The following OSBPL3 variants were observed in gnomAD, a reference collection of about 807,000 sequenced individuals.
OSBPL3 encodes the protein oxysterol binding protein like 3, also known as oxysterol-binding protein-related protein 3.
Under a neutral mutation model 120.1 loss-of-function variants are expected in OSBPL3, and 65 were observed. The ratio of observed to expected loss-of-function variants is 0.54; its 90% CI spans 0.44 to 0.67. The LOEUF is 0.67. Among genes scored for constraint, OSBPL3 ranks in the 30% least tolerant of loss-of-function variants. The pLI, the probability that OSBPL3 is intolerant of heterozygous loss-of-function variation, is 0.00. For missense variants in OSBPL3, 1,004 were observed against 1,082.1 expected (o/e 0.93, Z 1.01); for synonymous variants, 416 against 402.6 (o/e 1.03, Z -0.40).
chr7:24,941,774 T>C (rs954178541), intron 1 of OSBPL3, among the ~76,000 whole-genome samples: 1 of 152,214 alleles, frequency 6.6e-6, no homozygotes, highest in East Asian at 1.9e-4. Context: ...CATCATTGCA[T>C]GGAATTCTAA....
chr7:24,825,593 T>C (rs554967692), intron 16 of OSBPL3, among the ~76,000 whole-genome samples: 2 of 152,376 alleles, frequency 1.3e-5, no homozygotes, highest in Non-Finnish European at 2.9e-5. Context: ...TTTGAACGGC[T>C]TGAATTTACC....
At chr7:24,950,006 A>G (rs911135347) in intron 1 of OSBPL3, among the ~76,000 whole-genome samples, 11 of 152,246 alleles carry the variant, frequency 7.2e-5, no homozygotes, top group African/African-American at 2.4e-4. Flanking sequence ...ATATGTTTAT[A>G]AGTCAACAGC....
chr7:24,963,286 G>C (rs1047662973), intron 1 of OSBPL3, among the ~76,000 whole-genome samples: 13 of 152,140 alleles, frequency 8.5e-5, no homozygotes, highest in African/African-American at 3.1e-4. Flanking sequence ...CCAAAGAAGG[G>C]GGTGTTGGAG....
chr7:24,812,513 T>C (rs1793956539), intron 19 of OSBPL3, among the ~76,000 whole-genome samples: 1 of 152,098 alleles, frequency 6.6e-6, no homozygotes. Context: ...AGTTCCACAC[T>C]GCAGCCAGCA....
In OSBPL3 at chr7:24,834,072, T is replaced by A; in HGVS notation, c.1746+414A>T. ...ATTCCAGAAATAAACACAAACATTC[T>A]CAGGGGAAACTTACCCTGGATGAGA... On this transcript the variant is annotated intron_variant, in intron 15 of 22. Transcript: ENST00000313367. This position sits in a 1 kb window ranked among gnomAD's most constrained non-coding sequence, Gnocchi z 5.2. 4 of 987,948 alleles carry A rather than the reference T, an allele frequency of 4.0e-6. No homozygotes were observed. Among genetic ancestry groups the A allele is most frequent in the Non-Finnish European group, 4.8e-6 (4 of 830,208 alleles). 61.2% of individuals were successfully genotyped at this position (987,948 alleles called of 1,614,324 possible).
intron 1 of OSBPL3, among the ~76,000 whole-genome samples, chr7:24,917,451 AC>A (rs1397995828): frequency 8.4e-6 from 1 of 119,298 alleles, no homozygotes; most frequent in South Asian, 3.1e-4. Flanking sequence ...ATATATACAC[AC>A]ACATATATAT....
chr7:24,865,572 G>A (rs1170679240), intron 6 of OSBPL3, 107 bp from the exon 7 acceptor site: 3 of 1,078,782 alleles, frequency 2.8e-6, no homozygotes, highest in Non-Finnish European at 4.0e-6. Flanking sequence ...GACACCATCT[G>A]CCTATAATGA....
At position 24,913,735 on chromosome 7, in the gene OSBPL3, G is replaced by A. The variant is rs1809163209; in HGVS notation, c.-149-21114C>T. 1.3e-5 allele frequency among the ~76,000 whole-genome samples: 2 copies of A among 152,160 alleles called. No individual in the cohort carries two copies. The highest frequency in any genetic ancestry group is 2.1e-4 in the South Asian group (1 of 4,828). ...ATAATAGTTGAAGCTGTGATTGGGA[G>A]TGCATTGTCATGTGGTAACTGAGCC... On this transcript the variant is annotated intron_variant, in intron 1 of 22. Transcript: ENST00000313367. The surrounding 1 kb of genome is among the most constrained non-coding windows in gnomAD (Gnocchi z 5.3).
rs949486140 is a variant in OSBPL3 at position 24,854,651 on chromosome 7, T to C, written c.1028-2017A>G. On this transcript the variant is annotated intron_variant, in intron 10 of 22. Transcript: ENST00000313367. The surrounding 1 kb of genome is among the most constrained non-coding windows in gnomAD (Gnocchi z 4.1). ...AGCTCCTTGCTTTAAACAATTTAAT[T>C]GAGCAAAATAATGGGCAGGACAACA... 5.3e-5 allele frequency among the ~76,000 whole-genome samples: 8 copies of C among 152,028 alleles called. No homozygotes were observed. Among genetic ancestry groups the C allele is most frequent in the Admixed American group, 2.0e-4 (3 of 15,250 alleles).
Position 24,966,977 on chromosome 7 carries a change from T to TAC in OSBPL3, c.-150+12907_-150+12908dup, listed in dbSNP as rs1413904737. Among the ~76,000 whole-genome samples, 1 of 152,320 alleles carries TAC rather than the reference T, an allele frequency of 6.6e-6. No individual in the cohort carries two copies. Among genetic ancestry groups the TAC allele is most frequent in the East Asian group, 1.9e-4 (1 of 5,186 alleles). On this transcript the variant is annotated intron_variant, in intron 1 of 22. Transcript: ENST00000313367. This position sits in a 1 kb window ranked among gnomAD's most constrained non-coding sequence, Gnocchi z 4.8. ...TGAAAAACATCCCCTAAGTGACTAA[T>TAC]ACATAAGATAAGCAATACACTGCCA...
In OSBPL3 at chr7:24,866,227, T is replaced by C. The variant is rs1312053417; in HGVS notation, c.392A>G (p.Glu131Gly). The change falls in exon 6 of 23, where the codon GAA becomes GGA. Residue 131 changes from glutamate to glycine, a missense_variant. This residue lies in a region of OSBPL3 where 255 missense variants were observed against 248.7 expected (regional missense o/e 1.03). Transcript: ENST00000313367. ...EHIYHLKVKSEEVFDEWVSKL... is the reference protein window; with the variant it reads ...EHIYHLKVKSGEVFDEWVSKL... ...CGATACCCACTCATCAAAGACTTCT[T>C]CTGACTTGACCTATAATATATTCGA... 6.2e-7 allele frequency: 1 copy of C among 1,608,100 alleles called. No homozygotes were observed. Among genetic ancestry groups the C allele is most frequent in the African/African-American group, 1.3e-5 (1 of 74,808 alleles).
In OSBPL3 at chr7:24,852,163, A is replaced by G. The variant is rs1799241247; in HGVS notation, c.1158+341T>C. ...GTCTCATGCCCATAAAATTTCCTCCAAACTGTCAGATTTTGTAAGCATTAA... is the reference window on the plus strand; with the variant it reads ...GTCTCATGCCCATAAAATTTCCTCCGAACTGTCAGATTTTGTAAGCATTAA... On this transcript the variant is annotated intron_variant, in intron 11 of 22. Transcript: ENST00000313367. The surrounding 1 kb of genome is among the most constrained non-coding windows in gnomAD (Gnocchi z 4.1). Among the ~76,000 whole-genome samples, 2 of 152,202 alleles carry G rather than the reference A, an allele frequency of 1.3e-5. No individual in the cohort carries two copies. Among genetic ancestry groups the G allele is most frequent in the South Asian group, 4.1e-4 (2 of 4,828 alleles).
chr7:24,917,158 G>A (rs1809683374), intron 1 of OSBPL3, among the ~76,000 whole-genome samples: 1 of 151,770 alleles, frequency 6.6e-6, no homozygotes, highest in Non-Finnish European at 1.5e-5. Flanking sequence ...TCCATATTTT[G>A]TTTATTCTAT....
At chr7:24,847,075 A>T (rs891939216) in intron 12 of OSBPL3, among the ~76,000 whole-genome samples, 1 of 145,286 alleles carries the variant, frequency 6.9e-6, no homozygotes, top group East Asian at 2.1e-4. Context: ...AAAAAAAAAA[A>T]AAAGAAAGAA....
At chr7:24,951,166 G>T (rs990815184) in intron 1 of OSBPL3, among the ~76,000 whole-genome samples, 1 of 152,088 alleles carries the variant, frequency 6.6e-6, no homozygotes, top group East Asian at 1.9e-4. Flanking sequence ...AAGAAACGAA[G>T]AAATTTGAGA....
rs1198687914 is a variant in OSBPL3, at chr7:24,972,069, G to A, written c.-150+7817C>T. Among the ~76,000 whole-genome samples the A allele has an allele frequency of 1.3e-5, 2 of 152,210 alleles. No individual in the cohort carries two copies. Among genetic ancestry groups the A allele is most frequent in the Admixed American group, 6.5e-5 (1 of 15,286 alleles). ...AGCTACACTAGAATCTAGCCAGCAA[G>A]TTATTTTAAGCTACATGCAGGGCTA... On this transcript the variant is annotated intron_variant, in intron 1 of 22. Transcript: ENST00000313367. The surrounding 1 kb of genome is among the most constrained non-coding windows in gnomAD (Gnocchi z 4.3).
In OSBPL3 at chr7:24,810,974, T is replaced by A. The variant is rs60788796; in HGVS notation, c.2173-1023A>T. The stretch of plus-strand genomic sequence containing the variant: ...TCCCTATCTTGGCCATTATGAATAG[T>A]GCTGCAATGAACATGGAGATGCAGG... On this transcript the variant is annotated intron_variant, in intron 19 of 22. Transcript: ENST00000313367. Among the ~76,000 whole-genome samples the A allele has an allele frequency of 4.7e-4, 71 of 152,376 alleles. No homozygotes were observed. In the East Asian group the frequency reaches 0.013, roughly 29 times the overall value.
rs1304349929 is a variant in OSBPL3 at position 24,863,312 on chromosome 7, A to G, written c.778-20T>C. 1 of 1,597,246 alleles carries G rather than the reference A, an allele frequency of 6.3e-7. No homozygotes were observed. ...TCCACCCTTTGTTTCAAAACAGGAA[A>G]GAGAGCACAGACAGTAAAGTCCACC... is the stretch of plus-strand genomic sequence containing the variant. On this transcript the variant is annotated intron_variant, in intron 8 of 22. Transcript: ENST00000313367. The surrounding 1 kb of genome is among the most constrained non-coding windows in gnomAD (Gnocchi z 5.8).
In OSBPL3 at chr7:24,877,654, C is replaced by T. The variant is rs76865933; in HGVS notation, c.97-5585G>A. On this transcript the variant is annotated intron_variant, in intron 2 of 22. Coordinates refer to ENST00000313367, the MANE Select transcript of OSBPL3 (RefSeq NM_015550.4). This position sits in a 1 kb window ranked among gnomAD's most constrained non-coding sequence, Gnocchi z 4.8. ...TATCAAAAGAGTCCCCCAGAACCTT[C>T]GGGACATGGGACTTTAATAATGTGT... Among the ~76,000 whole-genome samples the T allele has an allele frequency of 0.034, 5,251 of 152,234 alleles. 118 individuals are homozygous for T. Among genetic ancestry groups the T allele is most frequent in the Non-Finnish European group, 0.053 (3,631 of 68,004 alleles).
Sources: gnomAD v4.1 joint callset for allele counts (sites outside exome capture counted in the v4.1 genomes callset) on GRCh38, gnomAD v4.1.1 for gene constraint, gnomAD v4.1.1 regional missense constraint, Gnocchi (gnomAD v3.1) non-coding constraint, MANE v1.5 for transcripts, NCBI Gene and HGNC (gene_info 2026-07-23, HGNC 2026-07-21) for gene names.